The following CTNNA3 variants were observed in gnomAD, a reference collection of about 807,000 sequenced individuals.
The protein encoded by CTNNA3 is catenin alpha 3.
CTNNA3 carries 76 observed loss-of-function variants against 95.7 expected under a neutral mutation model. The observed-to-expected ratio is 0.79, with a 90% CI of 0.66 to 0.96. The LOEUF (loss-of-function observed/expected upper bound fraction) is 0.96. CTNNA3 is among the 40% of genes least tolerant of loss of function. The pLI is 0.00. For synonymous variants in CTNNA3, 431 were observed against 374.4 expected (o/e 1.15, Z -1.74); for missense variants, 1,191 against 1,089.8 (o/e 1.09, Z -1.31).
rs549105705 is a variant in CTNNA3 at position 66,271,987 on chromosome 10, T to A, written c.1884+8483A>T. On this transcript the variant is annotated intron_variant, in intron 13 of 17. Coordinates refer to ENST00000433211, the MANE Select transcript of CTNNA3 (RefSeq NM_013266.4). Reference sequence around the variant, plus strand: ...TACACAAGAGGAGGGCCATTAAATGTGCTGAGAGCATAAGACTTCTTGCTG... The same window carrying A: ...TACACAAGAGGAGGGCCATTAAATGAGCTGAGAGCATAAGACTTCTTGCTG... Among the ~76,000 whole-genome samples, 9 of 152,334 alleles carry A rather than the reference T, an allele frequency of 5.9e-5. No homozygotes were observed. In the East Asian group the frequency reaches 1.7e-3, roughly 29 times the overall value.
intron 1 of CTNNA3, among the ~76,000 whole-genome samples, chr10:67,743,280 G>A (rs1841353606): frequency 1.3e-5 from 2 of 151,112 alleles, no homozygotes; most frequent in Admixed American, 6.6e-5. Flanking sequence ...AAATCCAGCA[G>A]CACATCAAAA....
intron 5 of CTNNA3, among the ~76,000 whole-genome samples, chr10:67,308,567 C>T (rs985839821): frequency 6.6e-6 from 1 of 152,046 alleles, no homozygotes; most frequent in Admixed American, 6.5e-5. Flanking sequence ...TAGACTAATA[C>T]ATACATCTTT....
At chr10:66,018,712 G>T (rs1259831740) in intron 15 of CTNNA3, among the ~76,000 whole-genome samples, 1 of 152,010 alleles carries the variant, frequency 6.6e-6, no homozygotes, top group African/African-American at 2.4e-5. Context: ...TTTGAAAAGA[G>T]GAATTATCTT....
intron 7 of CTNNA3, among the ~76,000 whole-genome samples, chr10:67,133,224 A>G (rs977235716): frequency 4.7e-5 from 7 of 149,510 alleles, no homozygotes; most frequent in Non-Finnish European, 1.0e-4. Flanking sequence ...AAGAGAAAAA[A>G]TTAAAAAGCA....
intron 5 of CTNNA3, among the ~76,000 whole-genome samples, chr10:67,339,472 G>A (rs1029601697): frequency 6.6e-6 from 1 of 152,100 alleles, no homozygotes; most frequent in African/African-American, 2.4e-5. Context: ...AAACTCAAAA[G>A]CCTACAATGT....
intron 14 of CTNNA3, among the ~76,000 whole-genome samples, chr10:66,072,352 G>C (rs989934905): frequency 1.3e-5 from 2 of 152,100 alleles, no homozygotes; most frequent in African/African-American, 4.8e-5. Flanking sequence ...AGGGAACACA[G>C]ATTTTTATTG....
intron 5 of CTNNA3, among the ~76,000 whole-genome samples, chr10:67,317,023 A>G (rs956084967): frequency 6.6e-6 from 1 of 152,094 alleles, no homozygotes; most frequent in African/African-American, 2.4e-5. Context: ...TGCATCTAAC[A>G]TTTCATTTCT....
At chr10:66,492,815 G>A (rs1489251772) in intron 11 of CTNNA3, among the ~76,000 whole-genome samples, 1 of 152,096 alleles carries the variant, frequency 6.6e-6, no homozygotes, top group South Asian at 2.1e-4. Flanking sequence ...ATTCCCTTAA[G>A]CATAGTTATT....
intron 9 of CTNNA3, among the ~76,000 whole-genome samples, chr10:66,662,236 A>G: frequency 6.6e-6 from 1 of 152,204 alleles, no homozygotes; most frequent in Non-Finnish European, 1.5e-5. Context: ...AACAATGGAG[A>G]CATTGGTATC....
At chr10:66,986,943 G>A (rs12250966) in intron 7 of CTNNA3, among the ~76,000 whole-genome samples, 1 of 152,048 alleles carries the variant, frequency 6.6e-6, no homozygotes, top group Non-Finnish European at 1.5e-5. Context: ...TTTGAATAAG[G>A]AGTCAAGGTC....
intron 9 of CTNNA3, among the ~76,000 whole-genome samples, chr10:66,671,408 A>G (rs1405344895): frequency 1.3e-5 from 2 of 152,136 alleles, no homozygotes; most frequent in African/African-American, 4.8e-5. Context: ...GAAAGAGAAA[A>G]CCAATTTTTA....
At chr10:67,335,781 G>A (rs753443457) in intron 5 of CTNNA3, among the ~76,000 whole-genome samples, 1 of 152,098 alleles carries the variant, frequency 6.6e-6, no homozygotes, top group African/African-American at 2.4e-5. Context: ...GCTTAAAGTT[G>A]TAGTCTCCAA....
intron 9 of CTNNA3, among the ~76,000 whole-genome samples, chr10:66,684,957 GA>G (rs1021387386): frequency 3.3e-5 from 5 of 150,192 alleles, no homozygotes; most frequent in East Asian, 1.9e-4. Context: ...AAAAATAAGT[GA>G]AAAAAAACTA....
At chr10:67,223,660 A>G (rs918249963) in intron 5 of CTNNA3, among the ~76,000 whole-genome samples, 17 of 152,340 alleles carry the variant, frequency 1.1e-4, no homozygotes, top group Admixed American at 7.8e-4. Context: ...TATATTTAGG[A>G]ATATTATTTT....
Position 66,226,167 on chromosome 10 carries a change from A to G in CTNNA3, c.1884+54303T>C, listed in dbSNP as rs1599671. Reference sequence around the variant, plus strand: ...AGGCCAATATCTCTAGTTTTCTTCTAGTAGTGTTATAGACTTGGGTCTTAC... The same window carrying G: ...AGGCCAATATCTCTAGTTTTCTTCTGGTAGTGTTATAGACTTGGGTCTTAC... On this transcript the variant is annotated intron_variant, in intron 13 of 17. Coordinates refer to ENST00000433211, the MANE Select transcript of CTNNA3 (RefSeq NM_013266.4). 4.2e-3 allele frequency among the ~76,000 whole-genome samples: 640 copies of G among 152,206 alleles called. 4 individuals carry two copies. The highest frequency in any genetic ancestry group is 0.014 in the African/African-American group (593 of 41,554).
intron 6 of CTNNA3, among the ~76,000 whole-genome samples, chr10:67,218,878 G>A (rs1009493464): frequency 3.9e-5 from 6 of 152,096 alleles, no homozygotes; most frequent in African/African-American, 1.4e-4. Context: ...TTTAAGACAC[G>A]AGTCGCAGCA....
rs1279331848 is a variant in CTNNA3, at chr10:65,916,384, C to G, written c.*3946G>C. The G allele has an allele frequency of 6.6e-6, 1 of 151,958 alleles. No homozygotes were observed. The highest frequency in any genetic ancestry group is 2.4e-5 in the African/African-American group (1 of 41,374). The allele number at this position is 151,958 out of a possible 1,614,324, so 9.4% of individuals were successfully genotyped here. On this transcript the variant is annotated 3_prime_UTR_variant, in exon 18 of 18. Transcript: ENST00000433211. Reference sequence around the variant, plus strand: ...CAGATTCTGGTGCCTGCTTTGCCAACCTAAAGAACTACTTACAATGAAAGT... The same window carrying G: ...CAGATTCTGGTGCCTGCTTTGCCAAGCTAAAGAACTACTTACAATGAAAGT...
At chr10:67,066,294 G>A (rs945495324) in intron 7 of CTNNA3, among the ~76,000 whole-genome samples, 3 of 149,246 alleles carry the variant, frequency 2.0e-5, no homozygotes, top group African/African-American at 7.5e-5. Flanking sequence ...CCGGGTTCAA[G>A]AGATTCTCCT....
rs928030837 is a variant in CTNNA3 at position 67,535,419 on chromosome 10, A to G, written c.459+4084T>C. On this transcript the variant is annotated intron_variant, in intron 4 of 17. Coordinates refer to ENST00000433211, the MANE Select transcript of CTNNA3 (RefSeq NM_013266.4). Reference sequence around the variant, plus strand: ...CTGTAACAAAAAGCAGGAATTAATAAGATAAAGTTCAATGAATATAAATGT... The same window carrying G: ...CTGTAACAAAAAGCAGGAATTAATAGGATAAAGTTCAATGAATATAAATGT... Among the ~76,000 whole-genome samples the G allele has an allele frequency of 3.3e-5, 5 of 152,122 alleles. No homozygotes were observed. The East Asian group carries it at 5.8e-4, about 18-fold the overall frequency.
Sources: gnomAD v4.1 joint callset for allele counts (sites outside exome capture counted in the v4.1 genomes callset) on GRCh38, gnomAD v4.1.1 for gene constraint, MANE v1.5 for transcripts, NCBI Gene and HGNC (gene_info 2026-07-23, HGNC 2026-07-21) for gene names.